The following TBC1D32 variants were observed in gnomAD, a reference collection of about 807,000 sequenced individuals.
TBC1D32 encodes TBC1 domain family member 32.
Under a neutral mutation model 170.3 loss-of-function variants are expected in TBC1D32, and 151 were observed. The ratio of observed to expected loss-of-function variants is 0.89; its 90% CI spans 0.78 to 1.01. The LOEUF is 1.01. Ranked by LOEUF, TBC1D32 falls within the 50% of genes least tolerant of loss-of-function variation. The probability of loss-of-function intolerance (pLI) is 0.00; values close to 1 mark genes in which losing one functional copy is unlikely to be tolerated. For missense variants in TBC1D32, 1,464 were observed against 1,457.1 expected (o/e 1.00, Z -0.08); for synonymous variants, 498 against 488.0 (o/e 1.02, Z -0.27).
intron 30 of TBC1D32, among the ~76,000 whole-genome samples, chr6:121,098,089 T>A (rs1031806082): frequency 6.6e-6 from 1 of 151,728 alleles, no homozygotes; most frequent in Admixed American, 6.6e-5. Context: ...GAGAAATACC[T>A]AATGTAGATG....
At chr6:121,261,217 AGGAATCTGGGCAGACC>A (rs1348896979) in intron 15 of TBC1D32, among the ~76,000 whole-genome samples, 2 of 152,182 alleles carry the variant, frequency 1.3e-5, no homozygotes, top group Non-Finnish European at 2.9e-5. Flanking sequence ...GCTAGCTCTG[AGGAATCTGGGCAGACC>A]GGAAGAGTTG....
chr6:121,126,312 A>G, intron 26 of TBC1D32, 66 bp downstream of exon 26: 1 of 1,195,324 alleles, frequency 8.4e-7, no homozygotes, highest in Non-Finnish European at 1.2e-6. Context: ...ATATCATTAC[A>G]CATCTCCATT....
intron 15 of TBC1D32, among the ~76,000 whole-genome samples, chr6:121,264,975 C>A (rs1800272480): frequency 6.6e-6 from 1 of 152,132 alleles, no homozygotes; most frequent in South Asian, 2.1e-4. Flanking sequence ...TGGACAAAAG[C>A]TAGAAGCACT....
intron 17 of TBC1D32, among the ~76,000 whole-genome samples, chr6:121,249,521 AAACTG>A (rs1798032874): frequency 6.6e-6 from 1 of 152,058 alleles, no homozygotes; most frequent in Non-Finnish European, 1.5e-5. Context: ...AGAGGAAGTC[AAACTG>A]TCACTTTCTG....
At chr6:121,188,500 G>A (rs557530796) in intron 22 of TBC1D32, among the ~76,000 whole-genome samples, 1 of 152,108 alleles carries the variant, frequency 6.6e-6, no homozygotes, top group South Asian at 2.1e-4. Context: ...GAGAGAGAAG[G>A]AGAGCCAATG....
intron 25 of TBC1D32, among the ~76,000 whole-genome samples, chr6:121,129,712 CTT>C (rs1781224969): frequency 2.0e-5 from 3 of 152,078 alleles, no homozygotes; most frequent in Admixed American, 2.0e-4. Context: ...TAGAGACAGA[CTT>C]AGGAATAGCA....
chr6:121,278,751 T>TATA (rs1340674015), intron 15 of TBC1D32, among the ~76,000 whole-genome samples: 1 of 152,064 alleles, frequency 6.6e-6, no homozygotes, highest in East Asian at 1.9e-4. Flanking sequence ...TTTGTCTGAT[T>TATA]ATAAGCACAG....
intron 12 of TBC1D32, 95 bp from the exon 13 acceptor site, chr6:121,284,005 G>T (rs2128449459): frequency 3.4e-6 from 3 of 875,776 alleles, no homozygotes; most frequent in Non-Finnish European, 5.4e-6. Flanking sequence ...TATAGTTGAG[G>T]TTTTGTACAG....
Position 121,292,106 on chromosome 6 carries a change from A to T in TBC1D32, c.1319T>A (p.Leu440Ter). Residue 440 changes from leucine to a stop codon, truncating the protein, a stop_gained, in exon 12 of 32, where the codon TTG becomes TAG. Coordinates refer to ENST00000398212, the MANE Select transcript of TBC1D32 (RefSeq NM_152730.6). LOFTEE classifies it high-confidence loss of function. ...TAGTTTTCTGCCTTGTTTATAGATC[A>T]ATAATCTTCCTAAAAGGCACAGTGA... ...IHSLCLLGRLLIYKQGRKLFP... is the reference protein window; with the variant it reads ...IHSLCLLGRL The T allele has an allele frequency of 6.2e-7, 1 of 1,602,848 alleles. No individual in the cohort carries two copies. Among genetic ancestry groups the T allele is most frequent in the Non-Finnish European group, 8.5e-7 (1 of 1,174,024 alleles).
At chr6:121,274,735 C>A (rs1384197810) in intron 15 of TBC1D32, among the ~76,000 whole-genome samples, 1 of 151,942 alleles carries the variant, frequency 6.6e-6, no homozygotes, top group African/African-American at 2.4e-5. Flanking sequence ...AAAAATAAGG[C>A]TACTCCATAA....
intron 15 of TBC1D32, among the ~76,000 whole-genome samples, chr6:121,277,476 A>G (rs888391638): frequency 2.2e-5 from 3 of 135,170 alleles, no homozygotes; most frequent in Non-Finnish European, 4.6e-5. Flanking sequence ...CGACAGAGAA[A>G]GACTCCATCT....
chr6:121,242,209 T>G lies in TBC1D32; in HGVS notation c.2149A>C (p.Lys717Gln). ...CAGATGGTAATTCATACCTGTAATT[T>G]TTTTGCATATCGATTGAATATAAAT... ...VTFIFNRYAK[K>Q]LQVSRHKKFG... Residue 717 changes from lysine to glutamine, a missense_variant, in exon 18 of 32, where the codon AAA (lysine) becomes CAA (glutamine). Lys to Gln is a moderately conservative substitution (Grantham distance 53, BLOSUM62 1). This residue lies in a region of TBC1D32 where 1,363 missense variants were observed against 1,338.1 expected (regional missense o/e 1.02). Coordinates refer to ENST00000398212, the MANE Select transcript of TBC1D32 (RefSeq NM_152730.6). 1 of 1,611,262 alleles carries G rather than the reference T, an allele frequency of 6.2e-7. No homozygotes were observed. The highest frequency in any genetic ancestry group is 8.5e-7 in the Non-Finnish European group (1 of 1,179,056).
intron 30 of TBC1D32, among the ~76,000 whole-genome samples, chr6:121,101,414 G>T (rs896692135): frequency 6.6e-6 from 1 of 152,014 alleles, no homozygotes; most frequent in African/African-American, 2.4e-5. Flanking sequence ...TCATCCATGG[G>T]ATGCGAAGCT....
Position 121,223,250 on chromosome 6 carries a change from G to C in TBC1D32, c.2467C>G (p.Pro823Ala). Residue 823 changes from proline to alanine, a missense_variant, in exon 21 of 32, where the codon CCA becomes GCA. Physicochemically the swap from Pro to Ala is conservative, Grantham distance 27 (BLOSUM62 -1). Around this residue, in one of 3 missense-constraint regions of TBC1D32, gnomAD observed 1,363 missense variants for 1,338.1 expected, o/e 1.02. Transcript: ENST00000398212. The part of the protein sequence containing the change: ...NKTEYSLREV[P>A]TCVIDIIDRL... ...AAATGACTTACAATAACACATGTTG[G>C]GACTTCACGAAGAGAATATTCTGTT... is the stretch of plus-strand genomic sequence containing the variant. 1.9e-6 allele frequency: 3 copies of C among 1,555,338 alleles called. No individual in the cohort carries two copies. The highest frequency in any genetic ancestry group is 2.6e-6 in the Non-Finnish European group (3 of 1,150,360).
chr6:121,290,382 A>G (rs952176563), intron 12 of TBC1D32, among the ~76,000 whole-genome samples: 1 of 152,210 alleles, frequency 6.6e-6, no homozygotes, highest in Admixed American at 6.5e-5. Context: ...TTATGCAGCC[A>G]AAAGACACAT....
chr6:121,261,450 C>T (rs1016678617), intron 15 of TBC1D32, among the ~76,000 whole-genome samples: 1 of 152,200 alleles, frequency 6.6e-6, no homozygotes, highest in Non-Finnish European at 1.5e-5. Flanking sequence ...TCTCCAGCCT[C>T]CTCAGGTGAC....
At chr6:121,212,812 G>A (rs1793263929) in intron 21 of TBC1D32, among the ~76,000 whole-genome samples, 1 of 152,026 alleles carries the variant, frequency 6.6e-6, no homozygotes, top group Non-Finnish European at 1.5e-5. Flanking sequence ...CAAAATACTT[G>A]CAAACAAAAT....
chr6:121,100,374 G>C (rs12529394), intron 30 of TBC1D32, among the ~76,000 whole-genome samples: 29,301 of 151,808 alleles, frequency 0.19, 3,926 homozygotes, highest in African/African-American at 0.36. Context: ...GTGTGTTAAA[G>C]TCTCCCATTA....
intron 1 of TBC1D32, among the ~76,000 whole-genome samples, chr6:121,323,833 G>C (rs754292310): frequency 7.6e-4 from 115 of 152,180 alleles, no homozygotes; most frequent in Non-Finnish European, 1.5e-3. Context: ...CCAGTTACTC[G>C]GGAGGCTGAG....
Sources: allele counts gnomAD v4.1 joint callset (sites outside exome capture counted in the v4.1 genomes callset), GRCh38; gene constraint gnomAD v4.1.1; regional missense constraint gnomAD v4.1.1; transcripts MANE v1.5; gene names NCBI Gene and HGNC (gene_info 2026-07-23, HGNC 2026-07-21).